The following PTPRN2 variants were observed in gnomAD, a reference collection of about 807,000 sequenced individuals.
PTPRN2 encodes the protein receptor-type tyrosine-protein phosphatase N2.
Under a neutral mutation model 118.8 loss-of-function variants are expected in PTPRN2, and 74 were observed. The ratio of observed to expected loss-of-function variants is 0.62; its 90% CI spans 0.52 to 0.76. The LOEUF (loss-of-function observed/expected upper bound fraction) is 0.76, where lower values mean the gene tolerates loss of function less well. PTPRN2 is among the 30% of genes least tolerant of loss of function. The probability of loss-of-function intolerance (pLI) is 0.00; values close to 1 mark genes in which losing one functional copy is unlikely to be tolerated. For missense variants in PTPRN2, 1,481 were observed against 1,394.4 expected, an observed-to-expected ratio of 1.06 and a Z score of -0.99; for synonymous variants, 641 against 608.0, an observed-to-expected ratio of 1.05 and a Z score of -0.80.
chr7:158,038,603 A>G (rs1489928708), intron 11 of PTPRN2, among the ~76,000 whole-genome samples: 1 of 151,350 alleles, frequency 6.6e-6, no homozygotes, highest in East Asian at 1.9e-4. Flanking sequence ...GTATTCAAAT[A>G]TAATTACATA....
intron 3 of PTPRN2, among the ~76,000 whole-genome samples, chr7:158,301,298 G>A (rs1019544702): frequency 2.0e-5 from 3 of 152,152 alleles, no homozygotes; most frequent in African/African-American, 7.2e-5. Flanking sequence ...CAGCTGTCCC[G>A]AGGCTCTGTG....
intron 12 of PTPRN2, among the ~76,000 whole-genome samples, chr7:157,749,157 A>G (rs1226408575): frequency 8.0e-5 from 1 of 12,456 alleles, no homozygotes; most frequent in Admixed American, 7.8e-4. Context: ...TGGGCTGTTG[A>G]GGTGATTCTG....
intron 12 of PTPRN2, among the ~76,000 whole-genome samples, chr7:157,705,133 G>A (rs1402075863): frequency 1.3e-5 from 2 of 152,106 alleles, no homozygotes; most frequent in Admixed American, 6.5e-5. Context: ...GTGAAACCCC[G>A]TCTCTACTAA....
chr7:157,551,093 G>T (rs1798575107), intron 21 of PTPRN2, among the ~76,000 whole-genome samples: 1 of 152,126 alleles, frequency 6.6e-6, no homozygotes, highest in African/African-American at 2.4e-5. Context: ...GCAGAATCAT[G>T]GCAGAAACGA....
chr7:157,967,461 G>A (rs1231918320), intron 11 of PTPRN2, among the ~76,000 whole-genome samples: 5 of 152,220 alleles, frequency 3.3e-5, no homozygotes, highest in African/African-American at 1.2e-4. Flanking sequence ...GACTCTGTGT[G>A]GCAGGTTCTA....
intron 11 of PTPRN2, among the ~76,000 whole-genome samples, chr7:158,033,852 A>ATCCC (rs1807883845): frequency 7.0e-6 from 1 of 142,278 alleles, no homozygotes; most frequent in Non-Finnish European, 1.5e-5. Context: ...CCGGGTGAGC[A>ATCCC]TCCCTAGTCA....
chr7:158,236,453 G>A (rs995581823), intron 3 of PTPRN2, among the ~76,000 whole-genome samples: 2 of 152,278 alleles, frequency 1.3e-5, no homozygotes, highest in East Asian at 3.9e-4. Context: ...AGGCTGCCTG[G>A]GCCCTGGGCC....
chr7:158,205,334 T>G, intron 3 of PTPRN2, 61 bp from the exon 4 acceptor site: 1 of 1,265,500 alleles, frequency 7.9e-7, no homozygotes, highest in South Asian at 1.2e-5. Context: ...AAGCTCTTGC[T>G]TCAGTCTCAC....
intron 11 of PTPRN2, among the ~76,000 whole-genome samples, chr7:158,055,216 G>C (rs1563368137): frequency 2.6e-5 from 4 of 152,326 alleles, no homozygotes; most frequent in South Asian, 4.1e-4. Context: ...TACAGAGATA[G>C]TAGCTGAGGG....
intron 22 of PTPRN2, among the ~76,000 whole-genome samples, chr7:157,548,629 A>G (rs1798440390): frequency 1.3e-5 from 2 of 152,150 alleles, no homozygotes; most frequent in African/African-American, 4.8e-5. Context: ...TCTGGGATTT[A>G]TCGTCAACCT....
chr7:157,941,955 C>T (rs1481320183), intron 11 of PTPRN2, among the ~76,000 whole-genome samples: 1 of 150,182 alleles, frequency 6.7e-6, no homozygotes, highest in Non-Finnish European at 1.5e-5. Context: ...CAGGGGTCCA[C>T]GGCACACCCT....
chr7:157,618,075 C>A lies in PTPRN2; in HGVS notation c.2344+3287G>T, dbSNP rs999741479. The A allele has an allele frequency of 1.3e-5, 2 of 152,298 alleles. No homozygotes were observed. Among genetic ancestry groups the A allele is most frequent in the Admixed American group, 1.3e-4 (2 of 15,306 alleles). The allele number at this position is 152,298 out of a possible 1,614,324, so 9.4% of individuals were successfully genotyped here. ...CAACTAGACCTAGCATGGTGCCAGCCAAGCATTGCATAATGTGTGTTTCCT... is the reference window on the plus strand; with the variant it reads ...CAACTAGACCTAGCATGGTGCCAGCAAAGCATTGCATAATGTGTGTTTCCT... On this transcript the variant is annotated intron_variant, in intron 15 of 22. Coordinates refer to ENST00000389418, the MANE Select transcript of PTPRN2 (RefSeq NM_002847.5). This position sits in a 1 kb window ranked among gnomAD's most constrained non-coding sequence, Gnocchi z 4.2.
rs1799776578 is a variant in PTPRN2 at position 157,729,528 on chromosome 7, G to T, written c.1789-46591C>A. On this transcript the variant is annotated intron_variant, in intron 12 of 22. Transcript: ENST00000389418. This position sits in a 1 kb window ranked among gnomAD's most constrained non-coding sequence, Gnocchi z 4.3. ...GGCAGGTGGGCACTGTGCTGGTGCT[G>T]TCCGAGTGGAGCCTCTGGTGAGCCG... 6.6e-6 allele frequency among the ~76,000 whole-genome samples: 1 copy of T among 152,232 alleles called. No homozygotes were observed. The highest frequency in any genetic ancestry group is 6.5e-5 in the Admixed American group (1 of 15,284).
intron 12 of PTPRN2, among the ~76,000 whole-genome samples, chr7:157,823,349 A>G (rs1806970022): frequency 6.6e-6 from 1 of 152,252 alleles, no homozygotes; most frequent in Non-Finnish European, 1.5e-5. Context: ...TAGCTTCAAG[A>G]CACTCCTAGC....
rs1801444132 is a variant in PTPRN2 at position 158,308,258 on chromosome 7, ATCC to A, written c.277+8558_277+8560del. On this transcript the variant is annotated intron_variant, in intron 3 of 22. Transcript: ENST00000389418. ...CAAGAATTCTATATTCAGAAAATCG[ATCC>A]TTCAAAACTAAAGGAGAAATCAATA... Among the ~76,000 whole-genome samples, 10 of 152,354 alleles carry A rather than the reference ATCC, an allele frequency of 6.6e-5. No individual in the cohort carries two copies. The South Asian group carries it at 2.1e-3, about 32-fold the overall frequency.
rs752909355 is a variant in PTPRN2 at position 158,316,800 on chromosome 7, C to G, written c.277+19G>C. ...GCTCAGTGCGGCAGCCGCCGAGCCT[C>G]GGCCCACGCCCGCCCTACCTGTGCC... On this transcript the variant is annotated intron_variant, in intron 3 of 22. Transcript: ENST00000389418. 1 of 1,571,644 alleles carries G rather than the reference C, an allele frequency of 6.4e-7. No individual in the cohort carries two copies. Among genetic ancestry groups the G allele is most frequent in the Admixed American group, 1.8e-5 (1 of 55,488 alleles).
At chr7:158,261,045 G>A (rs1797362632) in intron 3 of PTPRN2, among the ~76,000 whole-genome samples, 2 of 152,154 alleles carry the variant, frequency 1.3e-5, no homozygotes, top group Non-Finnish European at 2.9e-5. Context: ...CTGAGAAGCT[G>A]CACTGTGATG....
chr7:157,905,491 T>C (rs1435289736), intron 11 of PTPRN2, among the ~76,000 whole-genome samples: 3 of 152,206 alleles, frequency 2.0e-5, no homozygotes, highest in African/African-American at 4.8e-5. Context: ...AGAAGTCCTT[T>C]AAAATTAAAT....
intron 1 of PTPRN2, among the ~76,000 whole-genome samples, chr7:158,538,925 TCCCAG>T (rs1233639194): frequency 6.6e-6 from 1 of 152,048 alleles, no homozygotes; most frequent in Non-Finnish European, 1.5e-5. Flanking sequence ...GTGGTCTGAC[TCCCAG>T]CCCAGTCCCA....
Sources: allele counts gnomAD v4.1 joint callset (sites outside exome capture counted in the v4.1 genomes callset), GRCh38; gene constraint gnomAD v4.1.1; non-coding constraint Gnocchi (gnomAD v3.1); transcripts MANE v1.5; gene names NCBI Gene and HGNC (gene_info 2026-07-23, HGNC 2026-07-21).